The following MMP16 variants were observed in gnomAD, a reference collection of about 807,000 sequenced individuals.
The protein encoded by MMP16 is matrix metalloproteinase-16.
Under a neutral mutation model 67.8 loss-of-function variants are expected in MMP16, and 12 were observed. The ratio of observed to expected loss-of-function variants is 0.18; its 90% CI spans 0.11 to 0.29. MMP16 has a LOEUF of 0.29. MMP16 is among the 10% of genes least tolerant of loss of function. The probability of loss-of-function intolerance (pLI) is 1.00; values close to 1 mark genes in which losing one functional copy is unlikely to be tolerated. For missense variants in MMP16, 475 were observed against 765.7 expected (o/e 0.62, Z 4.48); for synonymous variants, 249 against 255.9 (o/e 0.97, Z 0.26).
chr8:88,252,575 C>A (rs1275236333), intron 1 of MMP16, among the ~76,000 whole-genome samples: 1 of 150,662 alleles, frequency 6.6e-6, no homozygotes, highest in East Asian at 2.0e-4. Context: ...AAATCAAGAT[C>A]CAGATATAAA....
chr8:88,267,620 C>T (rs1810494839), intron 1 of MMP16, among the ~76,000 whole-genome samples: 1 of 152,086 alleles, frequency 6.6e-6, no homozygotes, highest in Non-Finnish European at 1.5e-5. Context: ...GGGTTAGTTG[C>T]ATATTTATTC....
intron 6 of MMP16, among the ~76,000 whole-genome samples, chr8:88,081,824 T>C (rs961526489): frequency 6.6e-6 from 1 of 152,252 alleles, no homozygotes; most frequent in South Asian, 2.1e-4. Context: ...CAAAAGCATT[T>C]GTTGCTCAGA....
At chr8:88,213,928 C>G (rs1563564089) in intron 1 of MMP16, among the ~76,000 whole-genome samples, 1 of 152,148 alleles carries the variant, frequency 6.6e-6, no homozygotes, top group Non-Finnish European at 1.5e-5. Context: ...TCTACCTATT[C>G]TAATCTCTCT....
At chr8:88,093,465 T>G (rs1007782732) in intron 6 of MMP16, among the ~76,000 whole-genome samples, 1 of 151,734 alleles carries the variant, frequency 6.6e-6, no homozygotes, top group African/African-American at 2.4e-5. Flanking sequence ...GACAGCCTGG[T>G]CCATAAACCT....
chr8:88,245,083 C>G (rs1810092292), intron 1 of MMP16, among the ~76,000 whole-genome samples: 2 of 152,068 alleles, frequency 1.3e-5, no homozygotes, highest in Admixed American at 6.6e-5. Flanking sequence ...ATCTCTATTC[C>G]TTCTTTGCCA....
chr8:88,099,767 C>T (rs909176514), intron 6 of MMP16, among the ~76,000 whole-genome samples: 1 of 151,794 alleles, frequency 6.6e-6, no homozygotes, highest in African/African-American at 2.4e-5. Flanking sequence ...AAGCATTTCC[C>T]GATTTTAATG....
intron 4 of MMP16, among the ~76,000 whole-genome samples, chr8:88,134,862 T>G (rs113016444): frequency 6.6e-6 from 1 of 151,674 alleles, no homozygotes; most frequent in African/African-American, 2.4e-5. Flanking sequence ...TTTATTTTTA[T>G]GTATTGTTCT....
intron 1 of MMP16, among the ~76,000 whole-genome samples, chr8:88,213,873 T>A (rs528178698): frequency 9.2e-5 from 14 of 152,292 alleles, no homozygotes; most frequent in Admixed American, 2.0e-4. Context: ...TGATGCTTCT[T>A]CCTTCCCATC....
At chr8:88,122,992 C>A (rs1027262792) in intron 4 of MMP16, among the ~76,000 whole-genome samples, 7 of 151,506 alleles carry the variant, frequency 4.6e-5, no homozygotes, top group Non-Finnish European at 1.0e-4. Context: ...GCAGCCCCGG[C>A]CAACATGGAT....
In MMP16 at chr8:88,203,104, C is replaced by CTTTT. The variant is rs33928858; in HGVS notation, c.133-5802_133-5799dup. Among the ~76,000 whole-genome samples the CTTTT allele has an allele frequency of 2.5e-3, 311 of 123,116 alleles. 5 individuals are homozygous for CTTTT. The highest frequency in any genetic ancestry group is 4.1e-3 in the Non-Finnish European group (256 of 62,022). The allele number at this position is 123,116 out of a possible 152,430, so 80.8% of individuals were successfully genotyped here. ...ATGAAGGTACAAAATACCAGAACTT[C>CTTTT]TTTTTTTTTTTTTTTTTTGAGACAG... On this transcript the variant is annotated intron_variant, in intron 1 of 9. Transcript: ENST00000286614.
intron 1 of MMP16, among the ~76,000 whole-genome samples, chr8:88,234,350 T>C (rs1376137573): frequency 6.6e-6 from 1 of 152,212 alleles, no homozygotes; most frequent in Non-Finnish European, 1.5e-5. Context: ...TTCCTAAGAA[T>C]TTAATAAAAG....
At chr8:88,258,147 G>A (rs757725951) in intron 1 of MMP16, among the ~76,000 whole-genome samples, 1 of 151,582 alleles carries the variant, frequency 6.6e-6, no homozygotes, top group Non-Finnish European at 1.5e-5. Context: ...CCGGGTTCAC[G>A]TCAAATGACT....
chr8:88,046,934 C>T, intron 8 of MMP16, 150 bp from the exon 9 acceptor site: 4 of 485,408 alleles, frequency 8.2e-6, no homozygotes, highest in Non-Finnish European at 1.4e-5. Context: ...TACAGAACTC[C>T]AACTGGCAAG....
In MMP16 at chr8:88,327,064, C is replaced by T; in HGVS notation, c.132+11G>A. The T allele has an allele frequency of 6.2e-7, 1 of 1,613,576 alleles. No homozygotes were observed. Among genetic ancestry groups the T allele is most frequent in the South Asian group, 1.1e-5 (1 of 91,038 alleles). On this transcript the variant is annotated intron_variant, in intron 1 of 9. Coordinates refer to ENST00000286614, the MANE Select transcript of MMP16 (RefSeq NM_005941.5). Reference sequence around the variant, plus strand: ...GCAGCGGGGGGAGGAAGAAAGCCCTCGCACTCTTACCTCCACATTGAAATA... The same window carrying T: ...GCAGCGGGGGGAGGAAGAAAGCCCTTGCACTCTTACCTCCACATTGAAATA...
chr8:88,166,982 G>A (rs1419188384), intron 4 of MMP16, among the ~76,000 whole-genome samples: 1 of 151,820 alleles, frequency 6.6e-6, no homozygotes, highest in East Asian at 2.0e-4. Context: ...GGATCACCTC[G>A]TGAGAGTGGA....
At chr8:88,206,337 A>AT (rs1411879648) in intron 1 of MMP16, among the ~76,000 whole-genome samples, 2 of 152,142 alleles carry the variant, frequency 1.3e-5, no homozygotes, top group Admixed American at 6.5e-5. Context: ...GATGATGATG[A>AT]TAAAAAAAAA....
intron 6 of MMP16, among the ~76,000 whole-genome samples, chr8:88,087,510 G>A (rs1024002559): frequency 2.6e-5 from 4 of 151,878 alleles, no homozygotes; most frequent in Non-Finnish European, 5.9e-5. Flanking sequence ...GGAAAGGGTT[G>A]AGCTAGAGCT....
chr8:88,157,322 A>G (rs906918092), intron 4 of MMP16, among the ~76,000 whole-genome samples: 7 of 152,074 alleles, frequency 4.6e-5, no homozygotes, highest in Non-Finnish European at 8.8e-5. Flanking sequence ...TAGGCTAAAG[A>G]TGACTTAAAA....
intron 7 of MMP16, among the ~76,000 whole-genome samples, chr8:88,061,780 A>G (rs1808403401): frequency 6.6e-6 from 1 of 152,136 alleles, no homozygotes; most frequent in Non-Finnish European, 1.5e-5. Flanking sequence ...ATGCATTGAA[A>G]ATACTTTCCT....
Sources: gnomAD v4.1 joint callset for allele counts (sites outside exome capture counted in the v4.1 genomes callset) on GRCh38, gnomAD v4.1.1 for gene constraint, MANE v1.5 for transcripts, NCBI Gene and HGNC (gene_info 2026-07-23, HGNC 2026-07-21) for gene names.